Variants in LMX1B observed in about 807,000 individuals in gnomAD.
LMX1B encodes the protein LIM homeobox transcription factor 1-beta.
Under a neutral mutation model 51.4 loss-of-function variants are expected in LMX1B, and 12 were observed. The ratio of observed to expected loss-of-function variants is 0.23; its 90% confidence interval spans 0.15 to 0.38. The LOEUF is 0.38. LMX1B is among the 10% of genes least tolerant of loss of function. The pLI, the probability that LMX1B is intolerant of heterozygous loss-of-function variation, is 1.00. For missense variants in LMX1B, 445 were observed against 571.1 expected, an observed-to-expected ratio of 0.78 and a Z score of 2.25; for synonymous variants, 237 against 235.4, an observed-to-expected ratio of 1.01 and a Z score of -0.06.
intron 2 of LMX1B, among the ~76,000 whole-genome samples, chr9:126,622,017 T>C (rs1052552703): frequency 6.6e-6 from 1 of 152,176 alleles, no homozygotes; most frequent in Non-Finnish European, 1.5e-5. Flanking sequence ...CCCTGGATAA[T>C]ATTGTATCCA....
chr9:126,661,219 T>C (rs7855490), intron 2 of LMX1B, among the ~76,000 whole-genome samples: 27,346 of 148,258 alleles, frequency 0.18, 2,709 homozygotes, highest in South Asian at 0.24. Flanking sequence ...GGGCGACCTC[T>C]CAGGCCAGCG....
intron 2 of LMX1B, among the ~76,000 whole-genome samples, chr9:126,653,195 C>T (rs55674239): frequency 0.12 from 17,315 of 138,660 alleles, 1,384 homozygotes; most frequent in Middle Eastern, 0.27. Context: ...CTTGGTCACC[C>T]GGGCTGGAGT....
rs1235138315 is a variant in LMX1B at position 126,696,483 on chromosome 9, G to A, written c.*32G>A. On this transcript the variant is annotated 3_prime_UTR_variant, in exon 8 of 8. Transcript: ENST00000373474. Reference sequence around the variant, plus strand: ...GCCAGGCGCACGGACGCTTGGGCAGGGGCCTGGGGGGGACTGCCAGCCTCT... The same window carrying A: ...GCCAGGCGCACGGACGCTTGGGCAGAGGCCTGGGGGGGACTGCCAGCCTCT... The A allele has an allele frequency of 1.2e-6, 2 of 1,612,260 alleles. No individual in the cohort carries two copies. Among genetic ancestry groups the A allele is most frequent in the African/African-American group, 1.3e-5 (1 of 75,018 alleles).
At chr9:126,634,710 G>A (rs905248570) in intron 2 of LMX1B, among the ~76,000 whole-genome samples, 2 of 152,210 alleles carry the variant, frequency 1.3e-5, no homozygotes, top group Non-Finnish European at 2.9e-5. Context: ...TACTGTCCAG[G>A]TTGTTGTAGG....
At chr9:126,644,426 C>G (rs1835863183) in intron 2 of LMX1B, among the ~76,000 whole-genome samples, 1 of 152,140 alleles carries the variant, frequency 6.6e-6, no homozygotes, top group South Asian at 2.1e-4. Flanking sequence ...TCACTCTCTC[C>G]CACACTATTC....
chr9:126,691,404 G>A (rs781552662), intron 3 of LMX1B, among the ~76,000 whole-genome samples: 2 of 152,066 alleles, frequency 1.3e-5, no homozygotes, highest in Non-Finnish European at 2.9e-5. Flanking sequence ...GGAGATATGT[G>A]TTCACATACC....
rs1835519737 is a variant in LMX1B, at chr9:126,625,944, G to T, written c.326+10375G>T. Among the ~76,000 whole-genome samples, 1 of 152,230 alleles carries T rather than the reference G, an allele frequency of 6.6e-6. No homozygotes were observed. The highest frequency in any genetic ancestry group is 2.4e-5 in the African/African-American group (1 of 41,464). ...CCGCGGGCGTCGGAGAAGCGGCCGC[G>T]CTGTTCCGGGTCACTGCACCGGCTG... On this transcript the variant is annotated intron_variant, in intron 2 of 7. Coordinates refer to ENST00000373474, the MANE Select transcript of LMX1B (RefSeq NM_001174147.2). This position sits in a 1 kb window ranked among gnomAD's most constrained non-coding sequence, Gnocchi z 5.3.
At chr9:126,688,562 G>T (rs905986875) in intron 2 of LMX1B, among the ~76,000 whole-genome samples, 1 of 152,194 alleles carries the variant, frequency 6.6e-6, no homozygotes, top group Non-Finnish European at 1.5e-5. Context: ...CCATGTCAGA[G>T]CACCGGGTTC....
At chr9:126,614,618 T>C in intron 1 of LMX1B, 30 bp downstream of exon 1, 1 of 1,512,970 alleles carries the variant, frequency 6.6e-7, no homozygotes, top group Non-Finnish European at 8.9e-7. Flanking sequence ...GCCCGAGTGG[T>C]CTCGGGCGTG....
Position 126,615,940 on chromosome 9 carries a change from C to T in LMX1B, c.326+371C>T, listed in dbSNP as rs1159266840. The stretch of plus-strand genomic sequence containing the variant: ...TAATGTTTTAGGGAGCCAGGCCTGG[C>T]GGACTGCTTCAAGGGCCTGGTGTGT... On this transcript the variant is annotated intron_variant, in intron 2 of 7. Transcript: ENST00000373474. This position sits in a 1 kb window ranked among gnomAD's most constrained non-coding sequence, Gnocchi z 6.0. Among the ~76,000 whole-genome samples the T allele has an allele frequency of 6.6e-6, 1 of 152,166 alleles. No homozygotes were observed.
At position 126,626,269 on chromosome 9, in the gene LMX1B, G is replaced by A. The variant is rs1588266095; in HGVS notation, c.326+10700G>A. Reference sequence around the variant, plus strand: ...CGAGCCCAGGCTCCGGGCGCAGGGAGGATCGGGCTGAGAGCAGGGTGTCAC... The same window carrying A: ...CGAGCCCAGGCTCCGGGCGCAGGGAAGATCGGGCTGAGAGCAGGGTGTCAC... On this transcript the variant is annotated intron_variant, in intron 2 of 7. Transcript: ENST00000373474. The surrounding 1 kb of genome is among the most constrained non-coding windows in gnomAD (Gnocchi z 4.3). Among the ~76,000 whole-genome samples, 1 of 152,258 alleles carries A rather than the reference G, an allele frequency of 6.6e-6. No individual in the cohort carries two copies. Among genetic ancestry groups the A allele is most frequent in the Non-Finnish European group, 1.5e-5 (1 of 68,040 alleles).
intron 2 of LMX1B, among the ~76,000 whole-genome samples, chr9:126,639,984 C>T (rs758476776): frequency 8.5e-5 from 13 of 152,192 alleles, no homozygotes; most frequent in Non-Finnish European, 1.5e-4. Flanking sequence ...ATTTTAATGG[C>T]GCTCAAATGC....
intron 2 of LMX1B, among the ~76,000 whole-genome samples, chr9:126,682,208 G>T (rs1836689534): frequency 6.6e-6 from 1 of 150,524 alleles, no homozygotes; most frequent in Non-Finnish European, 1.5e-5. Context: ...GATTACAGGG[G>T]TCAGCCACAG....
rs2030505741 is a variant in LMX1B, at chr9:126,700,567, G to GCTCACACGCACGCGCTCGCACACACACA, written c.*4124_*4151dup. 6.6e-6 allele frequency: 1 copy of GCTCACACGCACGCGCTCGCACACACACA among 152,562 alleles called. No homozygotes were observed. The highest frequency in any genetic ancestry group is 1.5e-5 in the Non-Finnish European group (1 of 68,334). The allele number at this position is 152,562 out of a possible 1,614,324, so 9.5% of individuals were successfully genotyped here. On this transcript the variant is annotated 3_prime_UTR_variant, in exon 8 of 8. Transcript: ENST00000373474. ...CTGCCCTGGGGGGAAAGGGCTCCAC[G>GCTCACACGCACGCGCTCGCACACACACA]CTCACACGCACGCGCTCGCACACAC...
chr9:126,664,920 G>T (rs1386281147), intron 2 of LMX1B, among the ~76,000 whole-genome samples: 1 of 152,180 alleles, frequency 6.6e-6, no homozygotes, highest in Non-Finnish European at 1.5e-5. Context: ...TCCTGACCTT[G>T]ACCAAAGTAA....
At chr9:126,675,941 C>T (rs1408017980) in intron 2 of LMX1B, among the ~76,000 whole-genome samples, 17 of 146,994 alleles carry the variant, frequency 1.2e-4, no homozygotes, top group Admixed American at 9.0e-4. Flanking sequence ...CCCAGCTACT[C>T]GGGAGGCTGA....
chr9:126,665,603 G>A (rs1228018341), intron 2 of LMX1B, among the ~76,000 whole-genome samples: 1 of 152,218 alleles, frequency 6.6e-6, no homozygotes, highest in Non-Finnish European at 1.5e-5. Flanking sequence ...TGGGCTGCAG[G>A]GGCGGGGTTG....
At position 126,625,982 on chromosome 9, in the gene LMX1B, G is replaced by C. The variant is rs1835520602; in HGVS notation, c.326+10413G>C. ...ACTGCACCGGCTGAAAAAACCAAAA[G>C]CAAAACCAACACCCAGAAACGAAGC... On this transcript the variant is annotated intron_variant, in intron 2 of 7. Transcript: ENST00000373474. The surrounding 1 kb of genome is among the most constrained non-coding windows in gnomAD (Gnocchi z 5.3). Among the ~76,000 whole-genome samples the C allele has an allele frequency of 6.6e-6, 1 of 152,236 alleles. No individual in the cohort carries two copies. Among genetic ancestry groups the C allele is most frequent in the Non-Finnish European group, 1.5e-5 (1 of 68,024 alleles).
chr9:126,690,112 G>A (rs1477386758), intron 2 of LMX1B, among the ~76,000 whole-genome samples: 1 of 125,314 alleles, frequency 8.0e-6, no homozygotes, highest in East Asian at 4.5e-4. Context: ...CTTTGGGGCT[G>A]CAGCCTGGGG....
Sources: gnomAD v4.1 joint callset for allele counts (sites outside exome capture counted in the v4.1 genomes callset) on GRCh38, gnomAD v4.1.1 for gene constraint, Gnocchi (gnomAD v3.1) non-coding constraint, MANE v1.5 for transcripts, NCBI Gene and HGNC (gene_info 2026-07-23, HGNC 2026-07-21) for gene names.